Variants in IL1RAPL1 observed in about 807,000 individuals in gnomAD.
The protein encoded by IL1RAPL1 is interleukin-1 receptor accessory protein-like 1.
In IL1RAPL1, 3 loss-of-function variants were observed where a neutral mutation model predicts 48.4. That is an observed-to-expected ratio of 0.06 (90% CI 0.03 to 0.16). The LOEUF is 0.16. IL1RAPL1 is among the 10% of genes least tolerant of loss of function. The pLI, the probability that IL1RAPL1 is intolerant of heterozygous loss-of-function variation, is 1.00. For missense variants in IL1RAPL1, 349 were observed against 530.6 expected, an observed-to-expected ratio of 0.66 and a Z score of 3.36; for synonymous variants, 185 against 187.7, an observed-to-expected ratio of 0.99 and a Z score of 0.12.
chrX:29,678,455 C>T (rs777167249), intron 6 of IL1RAPL1, among the ~76,000 whole-genome samples: 1 of 101,359 alleles, frequency 9.9e-6, no homozygotes, highest in South Asian at 5.2e-4. Flanking sequence ...CCCGGGTTCA[C>T]GCCATTCTCC....
chrX:29,630,830 G>A (rs745452920), intron 5 of IL1RAPL1, among the ~76,000 whole-genome samples: 11 of 112,142 alleles, frequency 9.8e-5, no homozygotes, highest in East Asian at 5.6e-4. Flanking sequence ...GAGCCACCGC[G>A]CCCAGCCCTC....
At chrX:29,718,922 T>C (rs1927557633) in intron 6 of IL1RAPL1, among the ~76,000 whole-genome samples, 2 of 112,137 alleles carry the variant, frequency 1.8e-5, no homozygotes. Context: ...GAATGTGCCC[T>C]GAAGAAAGAC....
intron 2 of IL1RAPL1, among the ~76,000 whole-genome samples, chrX:29,233,006 C>G (rs1420423289): frequency 9.0e-6 from 1 of 110,764 alleles, no homozygotes; most frequent in African/African-American, 3.3e-5. Context: ...ACCATGTTGG[C>G]CAGGCTGGTC....
rs148264995 is a variant in IL1RAPL1, at chrX:29,941,949, A to T, written c.1201+155A>T. Among the ~76,000 whole-genome samples, 593 of 112,305 alleles carry T rather than the reference A, an allele frequency of 5.3e-3. 5 individuals carry two copies. The highest frequency in any genetic ancestry group is 0.018 in the African/African-American group (557 of 30,931). On this transcript the variant is annotated intron_variant, in intron 9 of 10. Coordinates refer to ENST00000378993, the MANE Select transcript of IL1RAPL1 (RefSeq NM_014271.4). ...TTGTAAATTTCTCTTTTGTAAGGAAATGTGTGATGCTTTATAGCCAATACT... is the reference window on the plus strand; with the variant it reads ...TTGTAAATTTCTCTTTTGTAAGGAATTGTGTGATGCTTTATAGCCAATACT...
chrX:29,220,462 T>A (rs971690439), intron 2 of IL1RAPL1, among the ~76,000 whole-genome samples: 2 of 112,325 alleles, frequency 1.8e-5, no homozygotes, highest in Non-Finnish European at 3.8e-5. Flanking sequence ...TAGATTATAA[T>A]TTTGAATAAT....
intron 2 of IL1RAPL1, among the ~76,000 whole-genome samples, chrX:29,017,714 A>G (rs1256878852): frequency 1.8e-5 from 2 of 111,981 alleles, no homozygotes; most frequent in Non-Finnish European, 3.8e-5. Flanking sequence ...CACTACATTC[A>G]TAGAATGGAC....
At chrX:28,602,014 A>C (rs1341040521) in intron 1 of IL1RAPL1, among the ~76,000 whole-genome samples, 1 of 108,058 alleles carries the variant, frequency 9.3e-6, no homozygotes, top group African/African-American at 3.4e-5. Flanking sequence ...CTGAGGCAGG[A>C]GAATCGCTTG....
At chrX:29,743,374 A>G (rs1159112369) in intron 6 of IL1RAPL1, among the ~76,000 whole-genome samples, 1 of 109,885 alleles carries the variant, frequency 9.1e-6, no homozygotes, top group Non-Finnish European at 1.9e-5. Context: ...GGTTAACTTT[A>G]CAATGAAAAG....
At chrX:29,541,436 A>C (rs1215025853) in intron 5 of IL1RAPL1, among the ~76,000 whole-genome samples, 5 of 111,899 alleles carry the variant, frequency 4.5e-5, no homozygotes, top group Non-Finnish European at 9.4e-5. Context: ...CTAGGTATAT[A>C]GCCAAAAGAA....
intron 6 of IL1RAPL1, among the ~76,000 whole-genome samples, chrX:29,789,772 A>T (rs1445044204): frequency 2.1e-5 from 2 of 93,040 alleles, no homozygotes; most frequent in African/African-American, 4.2e-5. Context: ...ATCTTTCTTC[A>T]TGAGTTTCTT....
intron 1 of IL1RAPL1, among the ~76,000 whole-genome samples, chrX:28,681,945 T>C (rs1442450484): frequency 9.0e-6 from 1 of 111,454 alleles, no homozygotes; most frequent in Non-Finnish European, 1.9e-5. Flanking sequence ...ATTAAATGAG[T>C]CTTCATTTCC....
chrX:28,946,901 AT>A (rs1924319438), intron 2 of IL1RAPL1, among the ~76,000 whole-genome samples: 1 of 111,807 alleles, frequency 8.9e-6, no homozygotes, highest in African/African-American at 3.2e-5. Context: ...TTCAATGAGT[AT>A]TTTATCAGTG....
intron 8 of IL1RAPL1, among the ~76,000 whole-genome samples, chrX:29,921,315 T>C (rs570908283): frequency 8.9e-6 from 1 of 112,374 alleles, no homozygotes; most frequent in East Asian, 2.8e-4. Flanking sequence ...TCAAAGCCCG[T>C]GTTTAATCCT....
chrX:29,298,927 G>C (rs1053076414), intron 3 of IL1RAPL1, among the ~76,000 whole-genome samples: 1 of 111,028 alleles, frequency 9.0e-6, no homozygotes, highest in African/African-American at 3.3e-5. Flanking sequence ...TATTGATCCT[G>C]GGTGTATCTG....
chrX:29,208,708 AAAT>A (rs1199838563), intron 2 of IL1RAPL1, among the ~76,000 whole-genome samples: 52 of 100,876 alleles, frequency 5.2e-4, no homozygotes, highest in South Asian at 8.7e-4. Context: ...AAGATTCCAA[AAAT>A]AATAATAATA....
At chrX:29,092,558 G>GA (rs1417645484) in intron 2 of IL1RAPL1, among the ~76,000 whole-genome samples, 1 of 111,077 alleles carries the variant, frequency 9.0e-6, no homozygotes, top group Non-Finnish European at 1.9e-5. Flanking sequence ...TTTCATAAAT[G>GA]AAAAAAACTA....
intron 2 of IL1RAPL1, among the ~76,000 whole-genome samples, chrX:28,954,719 C>CA (rs1286899775): frequency 9.0e-6 from 1 of 111,219 alleles, no homozygotes; most frequent in African/African-American, 3.3e-5. Context: ...ACCTTCCCCA[C>CA]AATATTAAAA....
chrX:28,666,134 G>C (rs1258004701), intron 1 of IL1RAPL1, among the ~76,000 whole-genome samples: 1 of 111,534 alleles, frequency 9.0e-6, no homozygotes, highest in Non-Finnish European at 1.9e-5. Flanking sequence ...TCCCCACTAG[G>C]CTGTGGTACC....
At chrX:29,688,969 G>A (rs1276887633) in intron 6 of IL1RAPL1, among the ~76,000 whole-genome samples, 2 of 111,150 alleles carry the variant, frequency 1.8e-5, no homozygotes, top group Admixed American at 1.9e-4. Flanking sequence ...TTCCCAGCAA[G>A]AAAAAACAAG....
Sources: gnomAD v4.1 joint callset for allele counts (sites outside exome capture counted in the v4.1 genomes callset) on GRCh38, gnomAD v4.1.1 for gene constraint, MANE v1.5 for transcripts, NCBI Gene and HGNC (gene_info 2026-07-23, HGNC 2026-07-21) for gene names.